The following IQSEC2 variants were observed in gnomAD, a reference collection of about 807,000 sequenced individuals.
IQSEC2 encodes the protein IQ motif and SEC7 domain-containing protein 2.
IQSEC2 carries 6 observed loss-of-function variants against 74.6 expected under a neutral mutation model. The ratio of observed to expected loss-of-function variants is 0.08; its 90% CI spans 0.04 to 0.16. The LOEUF is 0.16. IQSEC2 is among the 10% of genes least tolerant of loss of function. The pLI, the probability that IQSEC2 is intolerant of heterozygous loss-of-function variation, is 1.00. For missense variants in IQSEC2, 734 were observed against 1,306.2 expected (o/e 0.56, Z 6.75); for synonymous variants, 494 against 544.5 (o/e 0.91, Z 1.29).
At chrX:53,246,931 T>G (rs1190467487) in intron 8 of IQSEC2, 38 bp downstream of exon 8, 6 of 1,170,424 alleles carry the variant, frequency 5.1e-6, no homozygotes, top group Non-Finnish European at 7.0e-6. Flanking sequence ...ACTTTCCCTT[T>G]CCAGGTGAAG....
At chrX:53,300,354 T>C (rs1556875225) in intron 1 of IQSEC2, among the ~76,000 whole-genome samples, 1 of 111,716 alleles carries the variant, frequency 9.0e-6, no homozygotes, top group African/African-American at 3.3e-5. Flanking sequence ...CCATGACCCA[T>C]TTAGGCACCA....
At chrX:53,275,256 C>T (rs1359922235) in intron 2 of IQSEC2, among the ~76,000 whole-genome samples, 2 of 110,645 alleles carry the variant, frequency 1.8e-5, no homozygotes, top group Non-Finnish European at 3.8e-5. Flanking sequence ...TCCTCCACCT[C>T]CCGGGTTTAA....
chrX:53,272,390 G>A (rs1171330914), intron 2 of IQSEC2, among the ~76,000 whole-genome samples: 1 of 111,980 alleles, frequency 8.9e-6, no homozygotes, highest in Non-Finnish European at 1.9e-5. Context: ...CTCAGATTCT[G>A]AATGCATTCA....
In IQSEC2 at chrX:53,284,480, T is replaced by C. The variant is rs922642026; in HGVS notation, c.737+7415A>G. 4.5e-5 allele frequency among the ~76,000 whole-genome samples: 5 copies of C among 110,613 alleles called. No homozygotes were observed. The Admixed American group carries it at 4.8e-4, about 11-fold the overall frequency. ...CAAATGCTCTGTAATAGTACCTCTG[T>C]TGTCCCGCTGTGCCCCCACTGTCAT... On this transcript the variant is annotated intron_variant, in intron 2 of 14. Transcript: ENST00000642864.
At chrX:53,264,534 T>A (rs2147172080) in intron 2 of IQSEC2, among the ~76,000 whole-genome samples, 1 of 101,962 alleles carries the variant, frequency 9.8e-6, no homozygotes, top group Admixed American at 1.1e-4. Flanking sequence ...GTCACCTACA[T>A]TCACACACCC....
rs1556863476 is a variant in IQSEC2, at chrX:53,251,003, G to A, written c.1573C>T (p.Pro525Ser). The part of the protein sequence containing the change: ...DLPLYLDDTV[P>S]QQSPERLPST... ...GGCAGTCGCTCAGGGGATTGTTGGG[G>A]AACTGTGTCATCCAGGTAGAGGGGA... The change falls in exon 5 of 15, where the codon CCC becomes TCC. Residue 525 changes from proline (P) to serine (S), a missense_variant. Pro to Ser is a moderately conservative substitution (Grantham distance 74, BLOSUM62 -1). Around this residue, in one of 12 missense-constraint regions of IQSEC2, gnomAD observed 204 missense variants for 305.4 expected, o/e 0.67. Coordinates refer to ENST00000642864, the MANE Select transcript of IQSEC2 (RefSeq NM_001111125.3). The A allele has an allele frequency of 8.3e-7, 1 of 1,212,061 alleles. No individual in the cohort carries two copies. The highest frequency in any genetic ancestry group is 2.2e-5 in the Admixed American group (1 of 46,113).
chrX:53,241,633 T>A, intron 10 of IQSEC2, 151 bp downstream of exon 10: 1 of 753,171 alleles, frequency 1.3e-6, no homozygotes, highest in Non-Finnish European at 2.0e-6. Flanking sequence ...AGAGAAGGCC[T>A]GGGCCTTGCC....
intron 2 of IQSEC2, among the ~76,000 whole-genome samples, chrX:53,288,985 C>G (rs1367002989): frequency 2.8e-5 from 3 of 108,204 alleles, no homozygotes; most frequent in African/African-American, 1.0e-4. Context: ...ACCAACTGTT[C>G]AGCTCTAATT....
chrX:53,280,176 A>AG (rs2074928987), intron 2 of IQSEC2, among the ~76,000 whole-genome samples: 1 of 73,797 alleles, frequency 1.4e-5, no homozygotes, highest in Non-Finnish European at 2.4e-5. Context: ...CCACAGGGGT[A>AG]GGGAGGACGG....
intron 8 of IQSEC2, among the ~76,000 whole-genome samples, chrX:53,246,371 G>A (rs1310435435): frequency 3.6e-5 from 4 of 111,656 alleles, no homozygotes; most frequent in African/African-American, 1.3e-4. Context: ...CCTCTCTGAT[G>A]TCACTGTTCA....
chrX:53,290,067 A>G (rs782639571), intron 2 of IQSEC2, among the ~76,000 whole-genome samples: 1 of 111,746 alleles, frequency 8.9e-6, no homozygotes, highest in Admixed American at 9.5e-5. Context: ...TGGTGATGGT[A>G]TGGGTAGCAC....
chrX:53,311,189 T>C (rs1556877988), intron 1 of IQSEC2, among the ~76,000 whole-genome samples: 4 of 105,170 alleles, frequency 3.8e-5, no homozygotes, highest in Non-Finnish European at 5.9e-5. Flanking sequence ...GGGTGACTCT[T>C]CTAATCAGCG....
intron 1 of IQSEC2, among the ~76,000 whole-genome samples, chrX:53,298,083 T>C (rs2075173449): frequency 1.8e-5 from 2 of 111,586 alleles, no homozygotes; most frequent in African/African-American, 6.5e-5. Flanking sequence ...TGAGCTAAGA[T>C]CGCGCCACTG....
intron 4 of IQSEC2, among the ~76,000 whole-genome samples, chrX:53,253,302 A>G (rs782292717): frequency 2.1e-4 from 24 of 112,304 alleles, no homozygotes; most frequent in Non-Finnish European, 3.6e-4. Context: ...AAACAGCTCT[A>G]AAAGGGTTTT....
intron 2 of IQSEC2, among the ~76,000 whole-genome samples, chrX:53,272,733 G>A (rs1556868857): frequency 9.0e-6 from 1 of 111,490 alleles, no homozygotes; most frequent in African/African-American, 3.3e-5. Context: ...GGCAAGACCA[G>A]GCACCTGGTT....
rs2074342007 is a variant in IQSEC2 at position 53,248,652 on chromosome X, C to G, written c.2459+69G>C. The G allele has an allele frequency of 3.6e-6, 4 of 1,111,016 alleles. No individual in the cohort carries two copies. In the East Asian group the frequency reaches 9.0e-5, roughly 25 times the overall value. The allele number at this position is 1,111,016 out of a possible 1,213,427, so 91.6% of individuals were successfully genotyped here. On this transcript the variant is annotated intron_variant, in intron 6 of 14. Coordinates refer to ENST00000642864, the MANE Select transcript of IQSEC2 (RefSeq NM_001111125.3). ...ATCTGAGCTAAAGGGACAGGCTGCC[C>G]CCTTCCTCCCTCTTGCTGTCCTTTT...
intron 1 of IQSEC2, among the ~76,000 whole-genome samples, chrX:53,309,625 C>T (rs1324786779): frequency 8.9e-6 from 1 of 111,863 alleles, no homozygotes; most frequent in Non-Finnish European, 1.9e-5. Context: ...TCTTGGCTGC[C>T]CCAGCCTGCT....
At chrX:53,270,543 G>A (rs2074726612) in intron 2 of IQSEC2, among the ~76,000 whole-genome samples, 1 of 111,249 alleles carries the variant, frequency 9.0e-6, no homozygotes, top group Non-Finnish European at 1.9e-5. Context: ...CCTCTCAAAA[G>A]GCACCCCAAC....
intron 2 of IQSEC2, among the ~76,000 whole-genome samples, chrX:53,276,350 A>C (rs2074833924): frequency 8.9e-6 from 1 of 111,987 alleles, no homozygotes; most frequent in Non-Finnish European, 1.9e-5. Context: ...TGTTCTAATT[A>C]GTTATTGCTG....
Sources: gnomAD v4.1 joint callset for allele counts (sites outside exome capture counted in the v4.1 genomes callset) on GRCh38, gnomAD v4.1.1 for gene constraint, gnomAD v4.1.1 regional missense constraint, MANE v1.5 for transcripts, NCBI Gene and HGNC (gene_info 2026-07-23, HGNC 2026-07-21) for gene names.